CRYZL1: variants seen among roughly 807,000 people sequenced by gnomAD.
The protein encoded by CRYZL1 is ferry endosomal RAB5 effector complex subunit 4.
CRYZL1 carries 34 observed loss-of-function variants against 50.6 expected under a neutral mutation model. The ratio of observed to expected loss-of-function variants is 0.67; its 90% CI spans 0.51 to 0.89. The LOEUF is 0.89. Among genes scored for constraint, CRYZL1 ranks in the 40% least tolerant of loss-of-function variants. The pLI is 0.00. For synonymous variants in CRYZL1, 125 were observed against 134.3 expected (o/e 0.93, Z 0.48); for missense variants, 354 against 402.3 (o/e 0.88, Z 1.03).
intron 6 of CRYZL1, among the ~76,000 whole-genome samples, chr21:33,608,266 C>T (rs1181074941): frequency 6.6e-6 from 1 of 152,082 alleles, no homozygotes; most frequent in Non-Finnish European, 1.5e-5. Context: ...ACGGGCCTGG[C>T]CAGCATGGAG....
chr21:33,604,166 G>C (rs1184187594), intron 6 of CRYZL1, among the ~76,000 whole-genome samples: 3 of 151,882 alleles, frequency 2.0e-5, no homozygotes, highest in African/African-American at 4.8e-5. Context: ...AGGAGATCGA[G>C]ACCACGGTGA....
rs1408098325 is a variant in CRYZL1 at position 33,600,940 on chromosome 21, T to TTTTTTC, written c.577+1293_577+1294insGAAAAA. 2.8e-5 allele frequency among the ~76,000 whole-genome samples: 3 copies of TTTTTTC among 105,746 alleles called. No individual in the cohort carries two copies. The Admixed American group carries it at 3.1e-4, about 11-fold the overall frequency. 69.4% of individuals were successfully genotyped at this position (105,746 alleles called of 152,430 possible). On this transcript the variant is annotated intron_variant, in intron 8 of 12. Coordinates refer to ENST00000381554, the MANE Select transcript of CRYZL1 (RefSeq NM_145858.3). ...CTGTGCCCGGTCCATAAAGTTTTTT[T>TTTTTTC]TTTTTTTTTTTTTGGGGGCGGACTG...
chr21:33,620,668 C>T (rs942819522), intron 4 of CRYZL1, among the ~76,000 whole-genome samples: 1 of 151,786 alleles, frequency 6.6e-6, no homozygotes, highest in Non-Finnish European at 1.5e-5. Context: ...AAAAATTTGC[C>T]AGGCATGGTG....
At position 33,624,694 on chromosome 21, in the gene CRYZL1, T is replaced by C. The variant is rs2087040006; in HGVS notation, c.133A>G (p.Ile45Val). The change falls in exon 3 of 13, where the codon ATA becomes GTA. Residue 45 changes from isoleucine to valine, a missense_variant. By Grantham distance (29) the Ile-to-Val change is conservative (BLOSUM62 3). Coordinates refer to ENST00000381554, the MANE Select transcript of CRYZL1 (RefSeq NM_145858.3). ...AAAAGAACCAATACCTTTGTATTTA[T>C]CTGGCTCAGAGCACAAGCTTTAACT... ...LQVKACALSQ[I>V]NTKLLAEMKM... 6.2e-7 allele frequency: 1 copy of C among 1,606,332 alleles called. No individual in the cohort carries two copies. The highest frequency in any genetic ancestry group is 1.3e-5 in the African/African-American group (1 of 74,314).
intron 7 of CRYZL1, 60 bp from the exon 8 acceptor site, chr21:33,602,405 G>T: frequency 1.5e-6 from 1 of 668,104 alleles, no homozygotes; most frequent in South Asian, 2.1e-5. Context: ...ATATCGAATT[G>T]ATTTCTTTAT....
intron 1 of CRYZL1, among the ~76,000 whole-genome samples, chr21:33,635,856 C>T (rs1227200403): frequency 6.6e-6 from 1 of 151,824 alleles, no homozygotes; most frequent in Non-Finnish European, 1.5e-5. Flanking sequence ...TGGCGTATGC[C>T]TGTAGTCCCA....
chr21:33,610,009 T>C (rs1390470880), intron 6 of CRYZL1, among the ~76,000 whole-genome samples: 1 of 150,488 alleles, frequency 6.6e-6, no homozygotes, highest in Non-Finnish European at 1.5e-5. Context: ...TAGCCTTTTT[T>C]TTTTTTTTTT....
intron 6 of CRYZL1, among the ~76,000 whole-genome samples, chr21:33,608,563 A>G (rs530666946): frequency 6.6e-6 from 1 of 152,166 alleles, no homozygotes; most frequent in Non-Finnish European, 1.5e-5. Flanking sequence ...TGTAGCCACC[A>G]TTCTACTCTC....
intron 6 of CRYZL1, among the ~76,000 whole-genome samples, chr21:33,609,239 C>T (rs1001395173): frequency 6.6e-6 from 1 of 152,052 alleles, no homozygotes; most frequent in Non-Finnish European, 1.5e-5. Context: ...ATCAGATGTA[C>T]GGCTTATCAA....
intron 8 of CRYZL1, among the ~76,000 whole-genome samples, chr21:33,600,160 T>C (rs2086736348): frequency 6.6e-6 from 1 of 152,118 alleles, no homozygotes; most frequent in South Asian, 2.1e-4. Context: ...ATATGGTAAT[T>C]ATCTACTAGA....
At chr21:33,626,391 T>G (rs2087063586) in intron 2 of CRYZL1, among the ~76,000 whole-genome samples, 1 of 152,132 alleles carries the variant, frequency 6.6e-6, no homozygotes, top group African/African-American at 2.4e-5. Context: ...CAGATTCCAC[T>G]TCTAGATAGA....
intron 2 of CRYZL1, 151 bp downstream of exon 2, chr21:33,631,335 C>T (rs2087135087): frequency 4.2e-6 from 2 of 473,666 alleles, no homozygotes; most frequent in Non-Finnish European, 7.3e-6. Context: ...ACCATTTTCA[C>T]ATAAAATTTA....
chr21:33,635,245 ATTTTTTG>A (rs977918761), intron 1 of CRYZL1, among the ~76,000 whole-genome samples: 2 of 149,464 alleles, frequency 1.3e-5, no homozygotes, highest in African/African-American at 4.9e-5. Context: ...ATTTCATTTT[ATTTTTTG>A]TTTTTTGTCT....
At chr21:33,628,648 C>T (rs1601348189) in intron 2 of CRYZL1, among the ~76,000 whole-genome samples, 1 of 146,240 alleles carries the variant, frequency 6.8e-6, no homozygotes, top group African/African-American at 2.5e-5. Flanking sequence ...GTCGCCCAGA[C>T]TGGGGTGCAG....
rs1380552733 is a variant in CRYZL1 at position 33,589,997 on chromosome 21, G to A, written c.951-76C>T. ...ACAAACAGGGTGGTATATGACAAAT[G>A]CTAGTGCTCAAATCTATTAGTGTAT... On this transcript the variant is annotated intron_variant, in intron 12 of 12. Transcript: ENST00000381554. The A allele has an allele frequency of 1.0e-5, 8 of 791,430 alleles. No individual in the cohort carries two copies. The Admixed American group carries it at 2.1e-4, about 21-fold the overall frequency. The allele number at this position is 791,430 out of a possible 1,614,324, so 49.0% of individuals were successfully genotyped here. A position where few individuals can be genotyped will look rare whatever the true frequency, so the allele number is the denominator to read the frequency against.
chr21:33,641,409 A>T (rs546203913), intron 1 of CRYZL1: 1 of 1,351,384 alleles, frequency 7.4e-7, no homozygotes, highest in South Asian at 1.5e-5. Flanking sequence ...GCACTCCCAG[A>T]CCTCTGCCTC....
At chr21:33,591,235 A>G (rs762200803) in intron 11 of CRYZL1, 28 bp from the exon 12 acceptor site, 1 of 1,583,550 alleles carries the variant, frequency 6.3e-7, no homozygotes, top group South Asian at 1.1e-5. Context: ...TAAGGTGGCA[A>G]TGTAAAGGAG....
intron 5 of CRYZL1, among the ~76,000 whole-genome samples, chr21:33,614,147 G>A (rs964271287): frequency 2.7e-5 from 4 of 147,734 alleles, no homozygotes; most frequent in Admixed American, 2.1e-4. Context: ...ATTCCAGCCC[G>A]GCCGACAGTG....
chr21:33,600,954 G>T (rs11908835), intron 8 of CRYZL1, among the ~76,000 whole-genome samples: 91,998 of 101,466 alleles, frequency 0.91, 41,472 homozygotes, highest in East Asian at 0.99. Flanking sequence ...TTTTTTTTTT[G>T]GGGGCGGACT....
Sources: allele counts gnomAD v4.1 joint callset (sites outside exome capture counted in the v4.1 genomes callset), GRCh38; gene constraint gnomAD v4.1.1; transcripts MANE v1.5; gene names NCBI Gene and HGNC (gene_info 2026-07-23, HGNC 2026-07-21).